The following DYNC2I1 variants were observed in gnomAD, a reference collection of about 807,000 sequenced individuals.
DYNC2I1 encodes the protein dynein 2 intermediate chain 1.
Under a neutral mutation model 133.4 loss-of-function variants are expected in DYNC2I1, and 89 were observed. The observed-to-expected ratio is 0.67, with a 90% CI of 0.56 to 0.80. DYNC2I1 has a LOEUF of 0.80. DYNC2I1 is among the 30% of genes least tolerant of loss of function. The probability of loss-of-function intolerance (pLI) is 0.00; values close to 1 mark genes in which losing one functional copy is unlikely to be tolerated. For synonymous variants in DYNC2I1, 504 were observed against 484.3 expected (o/e 1.04, Z -0.54); for missense variants, 1,291 against 1,314.5 (o/e 0.98, Z 0.28).
At position 158,945,974 on chromosome 7, in the gene DYNC2I1, T is replaced by G; in HGVS notation, c.*195T>G. 1 of 542,098 alleles carries G rather than the reference T, an allele frequency of 1.8e-6. No individual in the cohort carries two copies. Among genetic ancestry groups the G allele is most frequent in the Non-Finnish European group, 2.8e-6 (1 of 351,220 alleles). The allele number at this position is 542,098 out of a possible 1,614,324, so 33.6% of individuals were successfully genotyped here. A position where few individuals can be genotyped will look rare whatever the true frequency, so the allele number is the denominator to read the frequency against. On this transcript the variant is annotated 3_prime_UTR_variant, in exon 25 of 25. Coordinates refer to ENST00000407559, the MANE Select transcript of DYNC2I1 (RefSeq NM_018051.5). The surrounding 1 kb of genome is among the most constrained non-coding windows in gnomAD (Gnocchi z 4.1). ...TACTTTTGAGTGGAAACAAAGAACA[T>G]TCTAGCATTTACAAAACTTCCAGGG...
Position 158,856,708 on chromosome 7 carries a change from C to A in DYNC2I1, c.-28C>A. 6 of 1,233,194 alleles carry A rather than the reference C, an allele frequency of 4.9e-6. No individual in the cohort carries two copies. Among genetic ancestry groups the A allele is most frequent in the Non-Finnish European group, 6.1e-6 (6 of 987,048 alleles). The allele number at this position is 1,233,194 out of a possible 1,614,324, so 76.4% of individuals were successfully genotyped here. A position where few individuals can be genotyped will look rare whatever the true frequency, so the allele number is the denominator to read the frequency against. ...CCGCGCCTGGCCGGGGCCGAGGACA[C>A]CGCGGCCGCCCGGGCCTGCGGGAAG... On this transcript the variant is annotated 5_prime_UTR_variant, in exon 1 of 25. Transcript: ENST00000407559.
intron 8 of DYNC2I1, among the ~76,000 whole-genome samples, chr7:158,893,863 G>A (rs565729884): frequency 9.3e-5 from 14 of 151,150 alleles, no homozygotes; most frequent in African/African-American, 3.2e-4. Flanking sequence ...ACCACATATT[G>A]TACCACATAT....
intron 13 of DYNC2I1, among the ~76,000 whole-genome samples, chr7:158,913,310 C>T (rs535501935): frequency 5.9e-5 from 9 of 152,292 alleles, no homozygotes; most frequent in African/African-American, 1.9e-4. Context: ...AACCTGCTCT[C>T]GAGGCCCAGT....
chr7:158,852,455 G>A (rs1038833837), upstream of DYNC2I1, among the ~76,000 whole-genome samples: 3 of 151,496 alleles, frequency 2.0e-5, no homozygotes, highest in Admixed American at 6.6e-5. Context: ...AATTAGTTCA[G>A]ACCGGCTGGG....
rs540364558 is a variant in DYNC2I1 at position 158,954,791 on chromosome 7, T to G, written c.*57-1792T>G. ...TCTGAATATTATAGCATTTCTAGAGTCTTTTTAAAGGTTTATACACATCAG... is the reference window on the plus strand; with the variant it reads ...TCTGAATATTATAGCATTTCTAGAGGCTTTTTAAAGGTTTATACACATCAG... On this transcript the variant is annotated intron_variant and NMD_transcript_variant, in intron 4 of 4. Coordinates refer to the DYNC2I1 transcript ENST00000454771. 5.3e-5 allele frequency among the ~76,000 whole-genome samples: 8 copies of G among 152,256 alleles called. No homozygotes were observed. The South Asian group carries it at 1.5e-3, about 28-fold the overall frequency.
chr7:158,914,215 AT>A lies in DYNC2I1; in HGVS notation c.1703-17del. ...TTAGAGTCGACTTCGTTGATTTTAT[AT>A]AAACTGTTTTTTTTAGGCAGTGAAC... On this transcript the variant is annotated splice_polypyrimidine_tract_variant and intron_variant, in intron 13 of 24. Transcript: ENST00000407559. The A allele has an allele frequency of 2.5e-6, 4 of 1,597,776 alleles. No individual in the cohort carries two copies. Among genetic ancestry groups the A allele is most frequent in the Non-Finnish European group, 3.4e-6 (4 of 1,170,792 alleles).
At chr7:158,894,921 G>C (rs1845624224) in intron 8 of DYNC2I1, among the ~76,000 whole-genome samples, 1 of 152,150 alleles carries the variant, frequency 6.6e-6, no homozygotes, top group Admixed American at 6.5e-5. Flanking sequence ...GGTGACATGT[G>C]ATGTGGAGCA....
intron 14 of DYNC2I1, among the ~76,000 whole-genome samples, chr7:158,918,175 C>G (rs1848667028): frequency 6.6e-6 from 1 of 152,156 alleles, no homozygotes; most frequent in South Asian, 2.1e-4. Flanking sequence ...CACTACGCAG[C>G]TCCCTCTTCC....
chr7:158,839,775 G>T, the DYNC2I1 span, among the ~76,000 whole-genome samples: 1 of 151,716 alleles, frequency 6.6e-6, no homozygotes, highest in Non-Finnish European at 1.5e-5. Flanking sequence ...AGCCAAGATA[G>T]TGATACTGCA....
chr7:158,890,160 T>A (rs1845061313), intron 7 of DYNC2I1, among the ~76,000 whole-genome samples: 1 of 152,092 alleles, frequency 6.6e-6, no homozygotes, highest in East Asian at 1.9e-4. Context: ...TAATTTTAAG[T>A]TTTCTTATAG....
intron 4 of DYNC2I1, among the ~76,000 whole-genome samples, chr7:158,953,555 A>G (rs1348330916): frequency 2.0e-5 from 3 of 152,144 alleles, no homozygotes; most frequent in Non-Finnish European, 4.4e-5. Context: ...GTTTGAGACC[A>G]GTCTGGGAAA....
At chr7:158,848,663 G>A in the DYNC2I1 span, among the ~76,000 whole-genome samples, 25 of 151,940 alleles carry the variant, frequency 1.6e-4, no homozygotes, top group African/African-American at 2.2e-4. Context: ...GGTGACTCAC[G>A]CCTGTAATCC....
chr7:158,857,012 G>A (rs1366400758), intron 1 of DYNC2I1, among the ~76,000 whole-genome samples: 2 of 152,054 alleles, frequency 1.3e-5, no homozygotes, highest in Non-Finnish European at 2.9e-5. Context: ...GGTCGCCGCC[G>A]CGGCCCGTCT....
intron 1 of DYNC2I1, among the ~76,000 whole-genome samples, chr7:158,867,115 T>C (rs1179937800): frequency 6.6e-6 from 1 of 151,744 alleles, no homozygotes; most frequent in South Asian, 2.1e-4. Flanking sequence ...ATAATTATGG[T>C]ATATTCTCTG....
chr7:158,856,002 C>A (rs1180310629), upstream of DYNC2I1, among the ~76,000 whole-genome samples: 1 of 140,028 alleles, frequency 7.1e-6, no homozygotes, highest in Non-Finnish European at 1.5e-5. Context: ...AGTGCAGTGG[C>A]GTGATCTCCG....
intron 20 of DYNC2I1, among the ~76,000 whole-genome samples, chr7:158,927,428 C>T (rs1199158214): frequency 2.0e-5 from 3 of 150,910 alleles, no homozygotes; most frequent in Admixed American, 2.0e-4. Context: ...AAAAAGATAC[C>T]AATAACTGCT....
intron 7 of DYNC2I1, among the ~76,000 whole-genome samples, chr7:158,889,921 G>T (rs995249612): frequency 1.3e-5 from 2 of 148,414 alleles, no homozygotes; most frequent in Non-Finnish European, 3.0e-5. Context: ...CAGGAAAATC[G>T]CTTGAACCCG....
chr7:158,951,920 G>A (rs1283892460), intron 4 of DYNC2I1, among the ~76,000 whole-genome samples: 4 of 152,164 alleles, frequency 2.6e-5, no homozygotes, highest in East Asian at 1.9e-4. Flanking sequence ...TGGAGCCTCC[G>A]TGTTGACACC....
intron 8 of DYNC2I1, among the ~76,000 whole-genome samples, chr7:158,896,943 G>A (rs1311994434): frequency 2.0e-5 from 3 of 148,414 alleles, no homozygotes; most frequent in African/African-American, 5.0e-5. Flanking sequence ...TATTCTTTCT[G>A]CCTCTGTGCC....
Sources: gnomAD v4.1 joint callset for allele counts (sites outside exome capture counted in the v4.1 genomes callset) on GRCh38, gnomAD v4.1.1 for gene constraint, Gnocchi (gnomAD v3.1) non-coding constraint, MANE v1.5 for transcripts, NCBI Gene and HGNC (gene_info 2026-07-23, HGNC 2026-07-21) for gene names.